Variants in XPOT observed in about 807,000 individuals in gnomAD.
XPOT encodes exportin-T.
Under a neutral mutation model 128.2 loss-of-function variants are expected in XPOT, and 34 were observed. The observed-to-expected ratio is 0.27, with a 90% CI of 0.20 to 0.35. The LOEUF (loss-of-function observed/expected upper bound fraction) is 0.35, where lower values mean the gene tolerates loss of function less well. Among genes scored for constraint, XPOT ranks in the 10% least tolerant of loss-of-function variants. The pLI is 1.00. For missense variants in XPOT, 838 were observed against 1,125.3 expected, an observed-to-expected ratio of 0.74 and a Z score of 3.65; for synonymous variants, 348 against 394.3, an observed-to-expected ratio of 0.88 and a Z score of 1.39.
At chr12:64,428,753 G>A (rs754686090) in intron 16 of XPOT, among the ~76,000 whole-genome samples, 4 of 152,204 alleles carry the variant, frequency 2.6e-5, no homozygotes, top group Non-Finnish European at 5.9e-5. Flanking sequence ...AAAAGGGAAT[G>A]TATTTGAGAA....
intron 15 of XPOT, among the ~76,000 whole-genome samples, chr12:64,426,360 A>G (rs992270318): frequency 3.9e-5 from 6 of 152,056 alleles, no homozygotes; most frequent in Admixed American, 2.6e-4. Flanking sequence ...CTAAACAGCC[A>G]TAACAAAGAA....
intron 15 of XPOT, 95 bp downstream of exon 15, chr12:64,426,004 C>A: frequency 8.7e-7 from 1 of 1,146,190 alleles, no homozygotes; most frequent in Non-Finnish European, 1.3e-6. Context: ...ACCTAGGTGC[C>A]CATCAGTGGT....
At chr12:64,415,070 G>C (rs1392569058) in intron 3 of XPOT, 81 bp downstream of exon 3, 1 of 830,102 alleles carries the variant, frequency 1.2e-6, no homozygotes, top group Admixed American at 2.3e-5. Flanking sequence ...TATTTGGAAA[G>C]TGTTTTCATA....
At chr12:64,407,674 AAG>A (rs1294799089) in intron 1 of XPOT, among the ~76,000 whole-genome samples, 1 of 152,128 alleles carries the variant, frequency 6.6e-6, no homozygotes, top group African/African-American at 2.4e-5. Context: ...AACAAGAAGA[AAG>A]AGCAGTGTGC....
At position 64,448,764 on chromosome 12, in the gene XPOT, A is replaced by C. The variant is rs1421409043; in HGVS notation, c.*633A>C. The C allele has an allele frequency of 1.3e-5, 2 of 152,148 alleles. No individual in the cohort carries two copies. Among genetic ancestry groups the C allele is most frequent in the Non-Finnish European group, 2.9e-5 (2 of 68,024 alleles). The allele number at this position is 152,148 out of a possible 1,614,324, so 9.4% of individuals were successfully genotyped here. A position where few individuals can be genotyped will look rare whatever the true frequency, so the allele number is the denominator to read the frequency against. ...TTAATCTCTCCATAATTTCCCATTT[A>C]AAGGTTTACAAATATGAGTGTGTGG... On this transcript the variant is annotated 3_prime_UTR_variant, in exon 25 of 25. Transcript: ENST00000332707.
At chr12:64,427,960 T>A (rs557594365) in intron 15 of XPOT, 91 bp from the exon 16 acceptor site, 5 of 875,118 alleles carry the variant, frequency 5.7e-6, no homozygotes, top group Non-Finnish European at 9.1e-6. Flanking sequence ...AACTGAACTT[T>A]TTTTTAGTTC....
chr12:64,424,532 C>G, intron 11 of XPOT, 67 bp from the exon 12 acceptor site: 1 of 1,578,904 alleles, frequency 6.3e-7, no homozygotes, highest in Non-Finnish European at 8.6e-7. Flanking sequence ...ATACATGTAG[C>G]CATGGTGGTT....
Position 64,409,990 on chromosome 12 carries a change from A to C in XPOT, c.-46A>C, listed in dbSNP as rs1191689209. On this transcript the variant is annotated 5_prime_UTR_variant, in exon 2 of 25. Coordinates refer to ENST00000332707, the MANE Select transcript of XPOT (RefSeq NM_007235.6). ...TTTATAAATTCTTCTGTGGGATCAG[A>C]GGGCACGCCTATTACAACCAGAAAA... The C allele has an allele frequency of 6.6e-7, 1 of 1,525,316 alleles. No individual in the cohort carries two copies. Among genetic ancestry groups the C allele is most frequent in the Non-Finnish European group, 9.1e-7 (1 of 1,103,132 alleles). 94.5% of individuals were successfully genotyped at this position (1,525,316 alleles called of 1,614,324 possible). A position where few individuals can be genotyped will look rare whatever the true frequency, so the allele number is the denominator to read the frequency against.
chr12:64,434,552 C>G lies in XPOT; in HGVS notation c.2498C>G (p.Ala833Gly), dbSNP rs150800992. 13 of 1,613,760 alleles carry G rather than the reference C, an allele frequency of 8.1e-6. No homozygotes were observed. Among genetic ancestry groups the G allele is most frequent in the Admixed American group, 6.7e-5 (4 of 59,980 alleles). ...GTGTTGGTTACTGTTATCCAAGGAG[C>G]AGTTGAATATCCAGATCCAATTGCA... ...ERVLVTVIQGAVEYPDPIAQK... is the reference protein window; with the variant it reads ...ERVLVTVIQGGVEYPDPIAQK... Residue 833 changes from alanine to glycine, a missense_variant, in exon 20 of 25, where the codon GCA (alanine) becomes GGA (glycine). By Grantham distance (60) the Ala-to-Gly change is moderately conservative (BLOSUM62 0). This residue lies in a region of XPOT where 761 missense variants were observed against 988.3 expected (regional missense o/e 0.77). Coordinates refer to ENST00000332707, the MANE Select transcript of XPOT (RefSeq NM_007235.6).
intron 14 of XPOT, 90 bp downstream of exon 14, chr12:64,425,547 C>T: frequency 6.7e-7 from 1 of 1,499,402 alleles, no homozygotes; most frequent in Non-Finnish European, 9.0e-7. Context: ...TAACTTTTCT[C>T]AGAATCAAAA....
At chr12:64,428,601 G>T (rs1308113717) in intron 16 of XPOT, among the ~76,000 whole-genome samples, 1 of 151,972 alleles carries the variant, frequency 6.6e-6, no homozygotes, top group Non-Finnish European at 1.5e-5. Context: ...GAATATTTTG[G>T]TGTTGGGATT....
At position 64,418,907 on chromosome 12, in the gene XPOT, T is replaced by C. The variant is rs2040112292; in HGVS notation, c.302T>C (p.Ile101Thr). 3 of 1,613,988 alleles carry C rather than the reference T, an allele frequency of 1.9e-6. No individual in the cohort carries two copies. The highest frequency in any genetic ancestry group is 2.2e-5 in the East Asian group (1 of 44,884). Residue 101 changes from isoleucine to threonine, a missense_variant, in exon 6 of 25, where the codon ATA (isoleucine) becomes ACA (threonine). Ile to Thr is a moderately conservative substitution (Grantham distance 89). Around this residue, in one of 3 missense-constraint regions of XPOT, gnomAD observed 761 missense variants for 988.3 expected, o/e 0.77. Coordinates refer to ENST00000332707, the MANE Select transcript of XPOT (RefSeq NM_007235.6). ...MLNPQPEKTF[I>T]RNKAAQVFAL... ...AATCCCCAACCAGAGAAGACCTTTA[T>C]ACGAAATAAAGCCGCCCAAGTCTTC... is the stretch of plus-strand genomic sequence containing the variant.
In XPOT at chr12:64,449,469, T is replaced by A. The variant is rs2040393100; in HGVS notation, c.*1338T>A. ...GAGCAGCAGAATTCGTATAGACATT[T>A]ACGTTTAAATTCTAAAAGCCCAATT... On this transcript the variant is annotated 3_prime_UTR_variant, in exon 25 of 25. Transcript: ENST00000332707. 1 of 152,206 alleles carries A rather than the reference T, an allele frequency of 6.6e-6. No individual in the cohort carries two copies. The highest frequency in any genetic ancestry group is 6.5e-5 in the Admixed American group (1 of 15,290). The allele number at this position is 152,206 out of a possible 1,614,324, so 9.4% of individuals were successfully genotyped here.
intron 14 of XPOT, 136 bp downstream of exon 14, chr12:64,425,593 C>G (rs1191580675): frequency 1.7e-6 from 2 of 1,178,372 alleles, no homozygotes; most frequent in African/African-American, 3.1e-5. Flanking sequence ...TGAAAGTAAC[C>G]CCTCCTCCAT....
intron 23 of XPOT, among the ~76,000 whole-genome samples, chr12:64,442,187 C>T (rs868745257): frequency 6.6e-6 from 1 of 152,138 alleles, no homozygotes; most frequent in South Asian, 2.1e-4. Context: ...ATGGCACAAT[C>T]TCTGCTCACT....
chr12:64,412,249 A>T (rs948285017), intron 2 of XPOT, among the ~76,000 whole-genome samples: 1 of 150,026 alleles, frequency 6.7e-6, no homozygotes, highest in Non-Finnish European at 1.5e-5. Flanking sequence ...CTGGTCTCAA[A>T]CTCTTGACCT....
intron 1 of XPOT, among the ~76,000 whole-genome samples, chr12:64,408,719 G>C (rs956508416): frequency 2.0e-5 from 3 of 151,946 alleles, no homozygotes; most frequent in Non-Finnish European, 1.5e-5. Flanking sequence ...TGTTCTCCAG[G>C]CTGGAGTGCA....
chr12:64,408,950 G>A (rs955204723), intron 1 of XPOT, among the ~76,000 whole-genome samples: 3 of 152,168 alleles, frequency 2.0e-5, no homozygotes, highest in Admixed American at 6.5e-5. Context: ...TCAGATTACC[G>A]GTGTGAGCCA....
At chr12:64,438,408 A>G (rs1287917752) in intron 22 of XPOT, among the ~76,000 whole-genome samples, 1 of 152,186 alleles carries the variant, frequency 6.6e-6, no homozygotes, top group Non-Finnish European at 1.5e-5. Context: ...GACAGGGTAG[A>G]CATAAGAAAA....
Sources: gnomAD v4.1 joint callset for allele counts (sites outside exome capture counted in the v4.1 genomes callset) on GRCh38, gnomAD v4.1.1 for gene constraint, gnomAD v4.1.1 regional missense constraint, MANE v1.5 for transcripts, NCBI Gene and HGNC (gene_info 2026-07-23, HGNC 2026-07-21) for gene names.